Variants in EML1 observed in about 807,000 individuals in gnomAD.
EML1 encodes the protein EMAP like 1.
Under a neutral mutation model 110.4 loss-of-function variants are expected in EML1, and 27 were observed. The ratio of observed to expected loss-of-function variants is 0.24; its 90% confidence interval spans 0.18 to 0.34. The LOEUF (loss-of-function observed/expected upper bound fraction) is 0.34, where lower values mean the gene tolerates loss of function less well. Among genes scored for constraint, EML1 ranks in the 10% least tolerant of loss-of-function variants. The pLI is 1.00. For synonymous variants in EML1, 344 were observed against 385.8 expected (o/e 0.89, Z 1.27); for missense variants, 741 against 1,030.9 (o/e 0.72, Z 3.85).
At chr14:99,835,348 C>G (rs1030889249) in intron 1 of EML1, among the ~76,000 whole-genome samples, 1 of 151,972 alleles carries the variant, frequency 6.6e-6, no homozygotes, top group Non-Finnish European at 1.5e-5. Flanking sequence ...TATTTTATGT[C>G]CTTTCTCTTT....
intron 17 of EML1, among the ~76,000 whole-genome samples, chr14:99,933,178 G>C (rs963194358): frequency 5.9e-5 from 9 of 152,138 alleles, no homozygotes; most frequent in African/African-American, 2.2e-4. Flanking sequence ...CAAATGATCA[G>C]GTAGTTCTTT....
chr14:99,916,321 T>C (rs1441167682), intron 15 of EML1, among the ~76,000 whole-genome samples: 1 of 152,206 alleles, frequency 6.6e-6, no homozygotes, highest in Non-Finnish European at 1.5e-5. Context: ...GTGAACACGA[T>C]TTCTGTTTGT....
rs747610659 is a variant in EML1, at chr14:99,939,594, C to G, written c.2322+267C>G. Among the ~76,000 whole-genome samples, 3 of 152,166 alleles carry G rather than the reference C, an allele frequency of 2.0e-5. No homozygotes were observed. Among genetic ancestry groups the G allele is most frequent in the Non-Finnish European group, 2.9e-5 (2 of 68,032 alleles). On this transcript the variant is annotated intron_variant, in intron 21 of 21. Coordinates refer to ENST00000262233, the MANE Select transcript of EML1 (RefSeq NM_004434.3). The surrounding 1 kb of genome is among the most constrained non-coding windows in gnomAD (Gnocchi z 4.2). ...CCCGCCCTCCCCCACGGCTCCCTTG[C>G]TCCGGCCCTGCTCAGCCGCGCCAGC... is the stretch of plus-strand genomic sequence containing the variant.
intron 1 of EML1, among the ~76,000 whole-genome samples, chr14:99,798,846 G>C (rs539372998): frequency 1.4e-4 from 21 of 150,964 alleles, no homozygotes; most frequent in Admixed American, 4.6e-4. Context: ...TTTTTTTGAG[G>C]GTAAGTTTCC....
At position 99,784,842 on chromosome 14, in the gene EML1, G is replaced by A. The variant is rs1247201241; in HGVS notation, c.-27+10829G>A. 6.6e-6 allele frequency among the ~76,000 whole-genome samples: 1 copy of A among 152,204 alleles called. No individual in the cohort carries two copies. Among genetic ancestry groups the A allele is most frequent in the Non-Finnish European group, 1.5e-5 (1 of 68,044 alleles). On this transcript the variant is annotated intron_variant, in intron 1 of 22. Transcript: ENST00000327921. This position sits in a 1 kb window ranked among gnomAD's most constrained non-coding sequence, Gnocchi z 4.5. ...GGCTCCCAGCCAGGGGCATGGCCAAGGAGCTCACAGACTGAGTGGAAAGAC... is the reference window on the plus strand; with the variant it reads ...GGCTCCCAGCCAGGGGCATGGCCAAAGAGCTCACAGACTGAGTGGAAAGAC...
At chr14:99,920,761 A>C (rs539609060) in intron 16 of EML1, 28 bp from the exon 17 acceptor site, 1 of 1,574,342 alleles carries the variant, frequency 6.4e-7, no homozygotes, top group Non-Finnish European at 8.7e-7. Context: ...TAAACAACTT[A>C]CTGTGCTTTT....
upstream of EML1, chr14:99,793,367 C>T (rs1221650715): frequency 1.5e-4 from 147 of 990,990 alleles, no homozygotes; most frequent in East Asian, 2.2e-4. Context: ...GCCGCCACAG[C>T]AGGGCCGGCC....
intron 1 of EML1, among the ~76,000 whole-genome samples, chr14:99,845,682 TTC>T (rs2058696137): frequency 6.6e-6 from 1 of 152,246 alleles, no homozygotes; most frequent in African/African-American, 2.4e-5. Context: ...AGATATGTTA[TTC>T]TCTCTCAGAA....
intron 1 of EML1, among the ~76,000 whole-genome samples, chr14:99,829,045 A>G (rs1230584713): frequency 2.0e-5 from 3 of 152,192 alleles, no homozygotes; most frequent in African/African-American, 7.2e-5. Context: ...GAAAAAACAC[A>G]GTGTATATAG....
chr14:99,822,513 G>T (rs559891465), intron 1 of EML1, among the ~76,000 whole-genome samples: 7 of 152,322 alleles, frequency 4.6e-5, no homozygotes, highest in South Asian at 4.1e-4. Context: ...CCAGCTGGAG[G>T]ATGAGGGCAG....
At chr14:99,919,105 C>A (rs1481805480) in intron 16 of EML1, among the ~76,000 whole-genome samples, 2 of 152,172 alleles carry the variant, frequency 1.3e-5, no homozygotes, top group Non-Finnish European at 2.9e-5. Flanking sequence ...GCACACAGCA[C>A]CTGCCAGGGC....
chr14:99,937,510 G>C (rs1021719690), intron 19 of EML1, among the ~76,000 whole-genome samples: 1 of 152,172 alleles, frequency 6.6e-6, no homozygotes, highest in African/African-American at 2.4e-5. Context: ...GGCTCGGGTG[G>C]GGGTGGGCAG....
At chr14:99,776,217 T>C (rs1019187671) in intron 1 of EML1, among the ~76,000 whole-genome samples, 11 of 152,112 alleles carry the variant, frequency 7.2e-5, no homozygotes, top group South Asian at 6.2e-4. Context: ...ACCTGTGAAA[T>C]TGACCAGGTG....
intron 1 of EML1, among the ~76,000 whole-genome samples, chr14:99,798,160 T>C (rs1174488407): frequency 6.6e-6 from 1 of 152,212 alleles, no homozygotes; most frequent in East Asian, 1.9e-4. Context: ...CTTATCCATA[T>C]ATTAGGTCAT....
At chr14:99,761,465 G>T (rs961693043) in intron 1 of EML1, among the ~76,000 whole-genome samples, 1 of 152,182 alleles carries the variant, frequency 6.6e-6, no homozygotes, top group East Asian at 1.9e-4. Context: ...ACTGGGAGGC[G>T]CCTGGCTGCC....
At chr14:99,912,962 A>G (rs2059969903) in intron 13 of EML1, among the ~76,000 whole-genome samples, 1 of 152,184 alleles carries the variant, frequency 6.6e-6, no homozygotes, top group South Asian at 2.1e-4. Context: ...CCTAACAGCA[A>G]CCGCCAGGGT....
intron 4 of EML1, among the ~76,000 whole-genome samples, chr14:99,882,941 C>T (rs949225170): frequency 2.0e-5 from 3 of 152,130 alleles, no homozygotes; most frequent in Non-Finnish European, 4.4e-5. Flanking sequence ...GCTGTCAGGT[C>T]GAGAACCACT....
chr14:99,888,028 G>GT (rs951794870), intron 4 of EML1, among the ~76,000 whole-genome samples: 6 of 152,086 alleles, frequency 3.9e-5, no homozygotes, highest in Non-Finnish European at 7.4e-5. Context: ...AATAAGCTGG[G>GT]TTTTTTTCAA....
At chr14:99,796,613 T>C (rs918418470) in intron 1 of EML1, among the ~76,000 whole-genome samples, 2 of 151,116 alleles carry the variant, frequency 1.3e-5, no homozygotes, top group Non-Finnish European at 2.9e-5. Context: ...CCTCAGTCTC[T>C]CAAGTAGCTG....
Sources: gnomAD v4.1 joint callset for allele counts (sites outside exome capture counted in the v4.1 genomes callset) on GRCh38, gnomAD v4.1.1 for gene constraint, Gnocchi (gnomAD v3.1) non-coding constraint, MANE v1.5 for transcripts, NCBI Gene and HGNC (gene_info 2026-07-23, HGNC 2026-07-21) for gene names.